Variants in UNC13A observed in about 807,000 individuals in gnomAD.
The protein encoded by UNC13A is unc-13 homolog A.
A neutral mutation model predicts 219.7 loss-of-function variants in UNC13A; 61 were observed. That is an observed-to-expected ratio of 0.28 (90% CI 0.23 to 0.34). The LOEUF (loss-of-function observed/expected upper bound fraction) is 0.34. Among genes scored for constraint, UNC13A ranks in the 10% least tolerant of loss-of-function variants. The probability of loss-of-function intolerance (pLI) is 1.00; values close to 1 mark genes in which losing one functional copy is unlikely to be tolerated. For missense variants in UNC13A, 1,476 were observed against 2,270.3 expected (o/e 0.65, Z 7.11); for synonymous variants, 920 against 884.6 (o/e 1.04, Z -0.71).
At chr19:17,623,357 C>A in intron 36 of UNC13A, 185 bp downstream of exon 36, 1 of 520,870 alleles carries the variant, frequency 1.9e-6, no homozygotes, top group Non-Finnish European at 3.4e-6. Context: ...GGTCTCCCTC[C>A]CTCCCAGCCC....
At chr19:17,643,079 T>G in intron 19 of UNC13A, 119 bp from the exon 20 acceptor site, 1 of 692,044 alleles carries the variant, frequency 1.4e-6, no homozygotes, top group Non-Finnish European at 2.4e-6. Context: ...TGGCACGATC[T>G]CAGCTCACTG....
At chr19:17,643,060 G>A in intron 19 of UNC13A, 100 bp from the exon 20 acceptor site, 1 of 869,660 alleles carries the variant, frequency 1.1e-6, no homozygotes. Context: ...CACCCAGGCT[G>A]GAGTGCAGTG....
At chr19:17,661,607 C>T (rs7260045) in intron 8 of UNC13A, among the ~76,000 whole-genome samples, 137,577 of 152,036 alleles carry the variant, frequency 0.9, 63,079 homozygotes, top group African/African-American at 0.98. Context: ...GGCAAGAGAA[C>T]TGCTTGAACC....
Position 17,627,696 on chromosome 19 carries a change from C to A in UNC13A, c.3832-99G>T. The stretch of plus-strand genomic sequence containing the variant: ...CAGGGAAAGGGATCCCAAGGGGCTG[C>A]AGGGGAAACTGAGGCACAGACCGTT... On this transcript the variant is annotated intron_variant, in intron 32 of 43. Transcript: ENST00000519716. This position sits in a 1 kb window ranked among gnomAD's most constrained non-coding sequence, Gnocchi z 4.7. 1 of 1,270,306 alleles carries A rather than the reference C, an allele frequency of 7.9e-7. No homozygotes were observed. 78.7% of individuals were successfully genotyped at this position (1,270,306 alleles called of 1,614,324 possible).
At chr19:17,640,786 C>A in intron 21 of UNC13A, 125 bp from the exon 22 acceptor site, 2 of 1,065,992 alleles carry the variant, frequency 1.9e-6, no homozygotes, top group South Asian at 2.1e-5. Flanking sequence ...CCATCCCCTG[C>A]CTGATTCTGT....
At chr19:17,653,930 C>T (rs2079401218) in intron 11 of UNC13A, among the ~76,000 whole-genome samples, 1 of 149,298 alleles carries the variant, frequency 6.7e-6, no homozygotes, top group Non-Finnish European at 1.5e-5. Context: ...GGGTTCACGC[C>T]ATTCTCCTGC....
intron 42 of UNC13A, among the ~76,000 whole-genome samples, chr19:17,610,381 G>C (rs1424200896): frequency 6.6e-6 from 1 of 152,160 alleles, no homozygotes; most frequent in East Asian, 1.9e-4. Context: ...CAGGAGGATT[G>C]CTTGAGCCTG....
rs1351985263 is a variant in UNC13A at position 17,674,802 on chromosome 19, C to T, written c.53-46G>A. ...GTCAGCGCTGGGGCTCAGGGACTCTCCAATGCCCCTTCCCAAGCTCTAGAC... is the reference window on the plus strand; with the variant it reads ...GTCAGCGCTGGGGCTCAGGGACTCTTCAATGCCCCTTCCCAAGCTCTAGAC... On this transcript the variant is annotated intron_variant, in intron 2 of 43. Transcript: ENST00000519716. The surrounding 1 kb of genome is among the most constrained non-coding windows in gnomAD (Gnocchi z 5.0). The T allele has an allele frequency of 1.3e-6, 2 of 1,504,400 alleles. No individual in the cohort carries two copies. The highest frequency in any genetic ancestry group is 1.7e-5 in the Admixed American group (1 of 59,714). 93.2% of individuals were successfully genotyped at this position (1,504,400 alleles called of 1,614,324 possible).
rs775088416 is a variant in UNC13A, at chr19:17,617,671, G to A, written c.4558+31C>T. Reference sequence around the variant, plus strand: ...GGGGCGGGGCTGTCTCCGCGGAGCGGGAAAGGGTGATGCGGTCTGGGTACC... The same window carrying A: ...GGGGCGGGGCTGTCTCCGCGGAGCGAGAAAGGGTGATGCGGTCTGGGTACC... On this transcript the variant is annotated intron_variant, in intron 41 of 43. Coordinates refer to ENST00000519716, the MANE Select transcript of UNC13A (RefSeq NM_001080421.3). The A allele has an allele frequency of 1.9e-6, 3 of 1,606,200 alleles. No individual in the cohort carries two copies. The Admixed American group carries it at 5.0e-5, about 27-fold the overall frequency.
At chr19:17,652,550 C>A in intron 12 of UNC13A, 81 bp downstream of exon 12, 1 of 1,586,808 alleles carries the variant, frequency 6.3e-7, no homozygotes, top group Non-Finnish European at 8.7e-7. Context: ...CTCCTCCTCT[C>A]TGGGCTGAGG....
intron 1 of UNC13A, among the ~76,000 whole-genome samples, chr19:17,681,257 C>T (rs1363415882): frequency 6.6e-6 from 1 of 151,560 alleles, no homozygotes; most frequent in Non-Finnish European, 1.5e-5. Context: ...TGACCTGCCA[C>T]GTGGGATGGG....
rs1402107817 is a variant in UNC13A at position 17,674,099 on chromosome 19, A to G, written c.152+558T>C. ...TGTAGCTTGGAGGTAGTGGTCAGGGAGGGCTTCACTGAGGAGGTGACACAA... is the reference window on the plus strand; with the variant it reads ...TGTAGCTTGGAGGTAGTGGTCAGGGGGGGCTTCACTGAGGAGGTGACACAA... On this transcript the variant is annotated intron_variant, in intron 3 of 43. Coordinates refer to ENST00000519716, the MANE Select transcript of UNC13A (RefSeq NM_001080421.3). The surrounding 1 kb of genome is among the most constrained non-coding windows in gnomAD (Gnocchi z 5.0). 6.6e-6 allele frequency among the ~76,000 whole-genome samples: 1 copy of G among 152,196 alleles called. No individual in the cohort carries two copies. Among genetic ancestry groups the G allele is most frequent in the African/African-American group, 2.4e-5 (1 of 41,450 alleles).
In UNC13A at chr19:17,649,668, C is replaced by A; in HGVS notation, c.1440-81G>T. On this transcript the variant is annotated intron_variant, in intron 12 of 43. Transcript: ENST00000519716. The surrounding 1 kb of genome is among the most constrained non-coding windows in gnomAD (Gnocchi z 4.4). The stretch of plus-strand genomic sequence containing the variant: ...CCCTGGGGAGAACATTCAACCTCCC[C>A]CAGGTGTTAAGGGGTTGAATTGGGT... The A allele has an allele frequency of 6.5e-7, 1 of 1,528,768 alleles. No individual in the cohort carries two copies. Among genetic ancestry groups the A allele is most frequent in the South Asian group, 1.1e-5 (1 of 88,870 alleles). The allele number at this position is 1,528,768 out of a possible 1,614,324, so 94.7% of individuals were successfully genotyped here.
chr19:17,633,280 TGTAGG>T, intron 26 of UNC13A, 87 bp from the exon 27 acceptor site: 1 of 1,289,522 alleles, frequency 7.8e-7, no homozygotes. Context: ...CACAGAGGAG[TGTAGG>T]GTAGGGTAGA....
chr19:17,678,264 A>G (rs1335078245), intron 1 of UNC13A, among the ~76,000 whole-genome samples: 1 of 152,168 alleles, frequency 6.6e-6, no homozygotes, highest in East Asian at 1.9e-4. Context: ...GGATCACTTG[A>G]CGTCAGGAGT....
chr19:17,683,750 T>C (rs543344534), intron 1 of UNC13A, among the ~76,000 whole-genome samples: 14 of 152,208 alleles, frequency 9.2e-5, no homozygotes, highest in African/African-American at 2.9e-4. Context: ...TCACCTAAAT[T>C]CACTGATTTG....
chr19:17,617,500 C>T (rs943185303), intron 41 of UNC13A, among the ~76,000 whole-genome samples: 56 of 152,120 alleles, frequency 3.7e-4, no homozygotes, highest in East Asian at 1.9e-4. Flanking sequence ...CAGGGGTTGA[C>T]GATCACCTCC....
intron 8 of UNC13A, 82 bp from the exon 9 acceptor site, chr19:17,658,351 C>T (rs1485531184): frequency 5.0e-6 from 7 of 1,395,368 alleles, no homozygotes; most frequent in African/African-American, 4.3e-5. Flanking sequence ...CCCAGACTTA[C>T]GGTGCCGCTA....
In UNC13A at chr19:17,605,859, C is replaced by A. The variant is rs926275170; in HGVS notation, c.*195G>T. ...TTCGTCGCGCCCTTGGGCGTGGCCTCCCGAGAGGGCGGGGCATCCTCCATT... is the reference window on the plus strand; with the variant it reads ...TTCGTCGCGCCCTTGGGCGTGGCCTACCGAGAGGGCGGGGCATCCTCCATT... On this transcript the variant is annotated 3_prime_UTR_variant, in exon 44 of 44. Coordinates refer to ENST00000519716, the MANE Select transcript of UNC13A (RefSeq NM_001080421.3). 1 of 547,468 alleles carries A rather than the reference C, an allele frequency of 1.8e-6. No homozygotes were observed. Among genetic ancestry groups the A allele is most frequent in the Non-Finnish European group, 2.9e-6 (1 of 344,850 alleles). The allele number at this position is 547,468 out of a possible 1,614,324, so 33.9% of individuals were successfully genotyped here. A position where few individuals can be genotyped will look rare whatever the true frequency, so the allele number is the denominator to read the frequency against.
Sources: allele counts gnomAD v4.1 joint callset (sites outside exome capture counted in the v4.1 genomes callset), GRCh38; gene constraint gnomAD v4.1.1; non-coding constraint Gnocchi (gnomAD v3.1); transcripts MANE v1.5; gene names NCBI Gene and HGNC (gene_info 2026-07-23, HGNC 2026-07-21).